PCDH9: variants seen among roughly 807,000 people sequenced by gnomAD.
PCDH9 encodes protocadherin-9.
A neutral mutation model predicts 70.6 loss-of-function variants in PCDH9; 24 were observed. That is an observed-to-expected ratio of 0.34 (90% CI 0.25 to 0.48). The LOEUF (loss-of-function observed/expected upper bound fraction) is 0.48. Ranked by LOEUF, PCDH9 falls within the 20% of genes least tolerant of loss-of-function variation. The pLI is 0.99. For synonymous variants in PCDH9, 562 were observed against 558.5 expected, an observed-to-expected ratio of 1.01 and a Z score of -0.09; for missense variants, 1,281 against 1,503.6, an observed-to-expected ratio of 0.85 and a Z score of 2.45.
At chr13:67,141,057 G>A (rs181913377) in intron 2 of PCDH9, among the ~76,000 whole-genome samples, 56 of 152,088 alleles carry the variant, frequency 3.7e-4, no homozygotes, top group Admixed American at 3.3e-3. Flanking sequence ...GGAACTAGAC[G>A]CCTAAAAATG....
chr13:67,153,133 C>CT (rs1172561320), intron 2 of PCDH9, among the ~76,000 whole-genome samples: 3 of 151,576 alleles, frequency 2.0e-5, no homozygotes, highest in African/African-American at 7.3e-5. Flanking sequence ...CTCTTTGTAA[C>CT]TCCTCTCTGA....
intron 3 of PCDH9, among the ~76,000 whole-genome samples, chr13:66,837,112 C>A (rs1399109604): frequency 6.6e-6 from 1 of 152,176 alleles, no homozygotes; most frequent in East Asian, 1.9e-4. Flanking sequence ...GGTTATAGAA[C>A]ATGCTGAATT....
rs77212325 is a variant in PCDH9 at position 66,631,651 on chromosome 13, G to A, written c.3139-240C>T. ...ATTCACGACCTTAAAACTAAAGTTG[G>A]GGCTTTGAAAAGTGTAACAAGAAAG... On this transcript the variant is annotated intron_variant, in intron 3 of 4. Transcript: ENST00000377865. Among the ~76,000 whole-genome samples the A allele has an allele frequency of 4.2e-3, 639 of 152,148 alleles. 20 individuals are homozygous for A. In the East Asian group the frequency reaches 0.081, roughly 19 times the overall value.
At chr13:66,391,240 AG>A (rs1957012206) in intron 4 of PCDH9, among the ~76,000 whole-genome samples, 1 of 152,240 alleles carries the variant, frequency 6.6e-6, no homozygotes, top group Admixed American at 6.5e-5. Context: ...TGCTACACTA[AG>A]TGATCAACAA....
At chr13:66,545,076 C>A (rs1961126172) in intron 4 of PCDH9, among the ~76,000 whole-genome samples, 1 of 151,980 alleles carries the variant, frequency 6.6e-6, no homozygotes, top group Non-Finnish European at 1.5e-5. Context: ...ACCTAGATGT[C>A]CTTTAAATTT....
At chr13:66,895,077 A>C (rs1385957550) in intron 3 of PCDH9, among the ~76,000 whole-genome samples, 1 of 152,090 alleles carries the variant, frequency 6.6e-6, no homozygotes, top group Admixed American at 6.6e-5. Flanking sequence ...CAAAGTGCTG[A>C]GATTACAGGT....
At chr13:67,073,848 C>A (rs957448544) in intron 2 of PCDH9, among the ~76,000 whole-genome samples, 7 of 152,010 alleles carry the variant, frequency 4.6e-5, no homozygotes, top group African/African-American at 1.4e-4. Flanking sequence ...ATAAAAAATA[C>A]TTTTATTTCT....
intron 4 of PCDH9, among the ~76,000 whole-genome samples, chr13:66,582,983 C>G (rs1490699601): frequency 6.6e-5 from 10 of 152,070 alleles, no homozygotes; most frequent in Non-Finnish European, 1.3e-4. Context: ...TAGATTCCTC[C>G]TTTTATCTGA....
intron 3 of PCDH9, among the ~76,000 whole-genome samples, chr13:66,757,195 C>T (rs9529134): frequency 0.081 from 12,379 of 152,218 alleles, 524 homozygotes; most frequent in East Asian, 0.14. Flanking sequence ...CTCTGTCCCT[C>T]TGTCTTCTAG....
At chr13:67,004,870 T>TAAAAAAAAAA (rs2084319620) in intron 2 of PCDH9, among the ~76,000 whole-genome samples, 2 of 152,122 alleles carry the variant, frequency 1.3e-5, no homozygotes, top group African/African-American at 4.8e-5. Flanking sequence ...TAATAATAAA[T>TAAAAAAAAAA]AAATGCTTTA....
chr13:66,917,363 C>A lies in PCDH9; in HGVS notation c.3037-13758G>T, dbSNP rs138235338. On this transcript the variant is annotated intron_variant, in intron 2 of 4. Coordinates refer to ENST00000377865, the MANE Select transcript of PCDH9 (RefSeq NM_203487.3). ...AATTGTCTTTTCCATTTTTTACCAT[C>A]TTTGAGAAGCCTGAGCCAAATGACT... is the stretch of plus-strand genomic sequence containing the variant. Among the ~76,000 whole-genome samples the A allele has an allele frequency of 4.7e-3, 705 of 151,602 alleles. 3 individuals carry two copies. Among genetic ancestry groups the A allele is most frequent in the African/African-American group, 0.016 (683 of 41,464 alleles).
intron 2 of PCDH9, among the ~76,000 whole-genome samples, chr13:67,135,435 C>T (rs1001755666): frequency 6.6e-6 from 1 of 152,054 alleles, no homozygotes; most frequent in African/African-American, 2.4e-5. Context: ...CCCCATAGAT[C>T]TCATTTTATA....
chr13:66,353,317 A>C, intron 4 of PCDH9, among the ~76,000 whole-genome samples: 1 of 152,212 alleles, frequency 6.6e-6, no homozygotes, highest in East Asian at 1.9e-4. Context: ...ATTAATGCTT[A>C]AACTTCAAGA....
At chr13:66,902,212 A>T (rs553352371) in intron 3 of PCDH9, among the ~76,000 whole-genome samples, 21 of 151,804 alleles carry the variant, frequency 1.4e-4, no homozygotes, top group Non-Finnish European at 3.0e-4. Flanking sequence ...AATATAAAAA[A>T]GTATATATGC....
chr13:66,740,760 C>G (rs1238505287), intron 3 of PCDH9, among the ~76,000 whole-genome samples: 1 of 151,724 alleles, frequency 6.6e-6, no homozygotes, highest in Non-Finnish European at 1.5e-5. Context: ...ATAAATTCCT[C>G]GACACATACA....
intron 4 of PCDH9, among the ~76,000 whole-genome samples, chr13:66,413,302 C>G (rs1957402269): frequency 6.6e-6 from 1 of 152,110 alleles, no homozygotes; most frequent in Admixed American, 6.5e-5. Flanking sequence ...ATGTATTTTT[C>G]TATGAATCTC....
intron 2 of PCDH9, among the ~76,000 whole-genome samples, chr13:67,159,438 G>A (rs1194503754): frequency 3.3e-5 from 5 of 152,102 alleles, no homozygotes; most frequent in African/African-American, 9.7e-5. Flanking sequence ...GCATACTACT[G>A]GCACACTTGG....
chr13:67,007,289 T>C (rs9529166), intron 2 of PCDH9, among the ~76,000 whole-genome samples: 13,418 of 152,070 alleles, frequency 0.088, 693 homozygotes, highest in Non-Finnish European at 0.12. Flanking sequence ...TAAAAAAATT[T>C]ATAAGTATTA....
At chr13:66,923,359 G>A (rs2082667387) in intron 2 of PCDH9, among the ~76,000 whole-genome samples, 1 of 151,472 alleles carries the variant, frequency 6.6e-6, no homozygotes, top group Admixed American at 6.6e-5. Context: ...ATAATTATAT[G>A]TAAACCCTGT....
Sources: gnomAD v4.1 joint callset for allele counts (sites outside exome capture counted in the v4.1 genomes callset) on GRCh38, gnomAD v4.1.1 for gene constraint, MANE v1.5 for transcripts, NCBI Gene and HGNC (gene_info 2026-07-23, HGNC 2026-07-21) for gene names.